The following VCPKMT variants were observed in gnomAD, a reference collection of about 807,000 sequenced individuals.
VCPKMT encodes the protein protein N-lysine methyltransferase METTL21D.
A neutral mutation model predicts 28.6 loss-of-function variants in VCPKMT; 32 were observed. The ratio of observed to expected loss-of-function variants is 1.12; its 90% CI spans 0.84 to 1.50. VCPKMT has a LOEUF of 1.50. VCPKMT is among the 40% of genes most tolerant of loss of function. The probability of loss-of-function intolerance (pLI) is 0.00; values close to 1 mark genes in which losing one functional copy is unlikely to be tolerated. For synonymous variants in VCPKMT, 138 were observed against 111.4 expected (o/e 1.24, Z -1.50); for missense variants, 366 against 285.0 (o/e 1.28, Z -2.05).
chr14:50,106,999 C>T (rs574956028), downstream of VCPKMT, among the ~76,000 whole-genome samples: 15 of 152,342 alleles, frequency 9.8e-5, no homozygotes, highest in South Asian at 6.2e-4. Context: ...GGATTACAGG[C>T]ATGAGCCACC....
chr14:50,111,492 T>G (rs1416746942), intron 5 of VCPKMT: 1 of 985,312 alleles, frequency 1.0e-6, no homozygotes, highest in African/African-American at 1.7e-5. Context: ...AGAAAAAGTG[T>G]GGGCTTATTG....
intron 5 of VCPKMT, 96 bp from the exon 6 acceptor site, chr14:50,109,809 T>C: frequency 7.1e-7 from 1 of 1,406,636 alleles, no homozygotes. Context: ...ATGCCTAGTA[T>C]GCCTAGTATA....
At chr14:50,107,506 G>T (rs1882370552), downstream of VCPKMT, among the ~76,000 whole-genome samples, 1 of 152,194 alleles carries the variant, frequency 6.6e-6, no homozygotes, top group Non-Finnish European at 1.5e-5. Context: ...TAGAGACAGG[G>T]TTTCACCATG....
chr14:50,112,142 A>G (rs545891228), intron 5 of VCPKMT: 1 of 852,746 alleles, frequency 1.2e-6, no homozygotes, highest in Admixed American at 6.2e-5. Flanking sequence ...GCATTTTAAA[A>G]TCTCACAGAG....
rs892798585 is a variant in VCPKMT at position 50,116,513 on chromosome 14, G to A, written c.40C>T (p.Arg14Trp). 2 of 1,613,398 alleles carry A rather than the reference G, an allele frequency of 1.2e-6. No individual in the cohort carries two copies. Among genetic ancestry groups the A allele is most frequent in the South Asian group, 1.1e-5 (1 of 91,044 alleles). The change falls in exon 1 of 6, where the codon CGG becomes TGG. Residue 14 changes from arginine (R) to tryptophan (W), a missense_variant. Physicochemically the swap from Arg to Trp is moderately radical, Grantham distance 101. Transcript: ENST00000395860. ...TTCTCCAAAACTCGCACAAAGCTCCGCAGTGGGTCCTCCAGCGAGGACTCC... is the reference window on the plus strand; with the variant it reads ...TTCTCCAAAACTCGCACAAAGCTCCACAGTGGGTCCTCCAGCGAGGACTCC... The part of the protein sequence containing the change: ...TLESSLEDPL[R>W]SFVRVLEKRD...
Position 50,108,848 on chromosome 14 carries a change from T to C in VCPKMT, c.*851A>G, listed in dbSNP as rs1191893564. 7 of 985,488 alleles carry C rather than the reference T, an allele frequency of 7.1e-6. No individual in the cohort carries two copies. Among genetic ancestry groups the C allele is most frequent in the Non-Finnish European group, 8.4e-6 (7 of 829,938 alleles). The allele number at this position is 985,488 out of a possible 1,614,324, so 61.0% of individuals were successfully genotyped here. ...GTATATACATATAGAACTACATTTG[T>C]AGTTATTCAAAAACCTTTCACTGCT... On this transcript the variant is annotated 3_prime_UTR_variant, in exon 6 of 6. Transcript: ENST00000395860.
downstream of VCPKMT, among the ~76,000 whole-genome samples, chr14:50,107,462 C>T (rs1273929671): frequency 3.9e-5 from 6 of 152,144 alleles, no homozygotes; most frequent in Non-Finnish European, 7.4e-5. Context: ...TTACAGTGCA[C>T]GCCACCATGC....
In VCPKMT at chr14:50,112,653, C is replaced by T. The variant is rs1160232643; in HGVS notation, c.637G>A (p.Glu213Lys). Residue 213 changes from glutamate (E) to lysine (K), a missense_variant, in exon 5 of 6, where the codon GAA becomes AAA. By Grantham distance (56) the Glu-to-Lys change is moderately conservative. Transcript: ENST00000395860. ...CTGATGTATATAATATGAATATCTTCACTTCGATACTCTTCATCATGTTTT... is the reference window on the plus strand; with the variant it reads ...CTGATGTATATAATATGAATATCTTTACTTCGATACTCTTCATCATGTTTT... ...LEKHDEEYRS[E>K]DIHIIYIRKK... 1.3e-5 allele frequency: 20 copies of T among 1,571,924 alleles called. No individual in the cohort carries two copies. The highest frequency in any genetic ancestry group is 1.7e-5 in the Non-Finnish European group (20 of 1,155,218).
At chr14:50,111,220 A>G in intron 5 of VCPKMT, 1 of 985,126 alleles carries the variant, frequency 1.0e-6, no homozygotes, top group East Asian at 1.1e-4. Flanking sequence ...AGGAAACACA[A>G]AATCTTTCTG....
intron 3 of VCPKMT, among the ~76,000 whole-genome samples, chr14:50,115,595 T>G (rs2139448066): frequency 6.6e-6 from 1 of 152,334 alleles, no homozygotes; most frequent in South Asian, 2.1e-4. Flanking sequence ...TCCTTTAAAA[T>G]TTTTACAGAA....
At chr14:50,115,639 A>G (rs1883097581) in intron 3 of VCPKMT, among the ~76,000 whole-genome samples, 200 bp downstream of exon 3, 1 of 152,244 alleles carries the variant, frequency 6.6e-6, no homozygotes. Context: ...ACTTTTCTCA[A>G]CATGCTTCAC....
In VCPKMT at chr14:50,112,222, C is replaced by T. The variant is rs142376775; in HGVS notation, c.675+393G>A. ...CCCAATTATAGAGCTATACAATTTACGCCTATGGAGAAGCTGGAAAAGGCC... is the reference window on the plus strand; with the variant it reads ...CCCAATTATAGAGCTATACAATTTATGCCTATGGAGAAGCTGGAAAAGGCC... On this transcript the variant is annotated intron_variant, in intron 5 of 5. Transcript: ENST00000395860. 19 of 294,772 alleles carry T rather than the reference C, an allele frequency of 6.4e-5. No individual in the cohort carries two copies. The East Asian group carries it at 1.6e-3, about 24-fold the overall frequency. The allele number at this position is 294,772 out of a possible 1,614,324, so 18.3% of individuals were successfully genotyped here.
intron 5 of VCPKMT, chr14:50,111,882 C>G (rs1882684368): frequency 2.0e-6 from 2 of 978,192 alleles, no homozygotes; most frequent in African/African-American, 1.8e-5. Flanking sequence ...GAGTGAGACC[C>G]TATTTCAAAA....
In VCPKMT at chr14:50,109,531, T is replaced by C; in HGVS notation, c.*168A>G. 1 of 1,315,974 alleles carries C rather than the reference T, an allele frequency of 7.6e-7. No homozygotes were observed. Among genetic ancestry groups the C allele is most frequent in the South Asian group, 2.3e-5 (1 of 43,896 alleles). 81.5% of individuals were successfully genotyped at this position (1,315,974 alleles called of 1,614,324 possible). On this transcript the variant is annotated 3_prime_UTR_variant, in exon 6 of 6. Coordinates refer to ENST00000395860, the MANE Select transcript of VCPKMT (RefSeq NM_024558.3). ...AGGCAGGCAGGCAAGCAGGAATTTT[T>C]CGTATTGCAGACAGCCCCTGGTGGT...
At position 50,109,460 on chromosome 14, in the gene VCPKMT, C is replaced by T. The variant is rs1436973985; in HGVS notation, c.*239G>A. ...ACTGATTCCCAACATTTAAGAAGAA[C>T]TTGATGCTGAACTAAGTAACCTAAG... On this transcript the variant is annotated 3_prime_UTR_variant, in exon 6 of 6. Coordinates refer to ENST00000395860, the MANE Select transcript of VCPKMT (RefSeq NM_024558.3). The T allele has an allele frequency of 1.7e-5, 21 of 1,224,512 alleles. No homozygotes were observed. Among genetic ancestry groups the T allele is most frequent in the Non-Finnish European group, 2.0e-5 (20 of 982,548 alleles). 75.9% of individuals were successfully genotyped at this position (1,224,512 alleles called of 1,614,324 possible). A position where few individuals can be genotyped will look rare whatever the true frequency, so the allele number is the denominator to read the frequency against.
At chr14:50,103,778 C>T (rs995097249), downstream of VCPKMT, among the ~76,000 whole-genome samples, 2 of 152,156 alleles carry the variant, frequency 1.3e-5, no homozygotes, top group African/African-American at 4.8e-5. Flanking sequence ...CTGCCATTCC[C>T]ACCGTGACTG....
At chr14:50,103,484 GTTTA>G in the VCPKMT span, among the ~76,000 whole-genome samples, 1 of 152,122 alleles carries the variant, frequency 6.6e-6, no homozygotes, top group Non-Finnish European at 1.5e-5. Context: ...CTGGTCTCAG[GTTTA>G]GCAAAGAACC....
At chr14:50,113,019 C>G (rs756142006) in intron 4 of VCPKMT, among the ~76,000 whole-genome samples, 6 of 152,162 alleles carry the variant, frequency 3.9e-5, no homozygotes, top group Non-Finnish European at 7.4e-5. Context: ...AACTCCTGAC[C>G]TCATGATCTG....
Position 50,108,807 on chromosome 14 carries a change from A to G in VCPKMT, c.*892T>C. 1.0e-6 allele frequency: 1 copy of G among 985,598 alleles called. No individual in the cohort carries two copies. The highest frequency in any genetic ancestry group is 1.7e-5 in the African/African-American group (1 of 57,382). The allele number at this position is 985,598 out of a possible 1,614,324, so 61.1% of individuals were successfully genotyped here. ...CATAACATAAAACAGAGAGACACAG[A>G]ACAGAAATTCATTTGGTATATACAT... On this transcript the variant is annotated 3_prime_UTR_variant, in exon 6 of 6. Coordinates refer to ENST00000395860, the MANE Select transcript of VCPKMT (RefSeq NM_024558.3).
Sources: gnomAD v4.1 joint callset for allele counts (sites outside exome capture counted in the v4.1 genomes callset) on GRCh38, gnomAD v4.1.1 for gene constraint, MANE v1.5 for transcripts, NCBI Gene and HGNC (gene_info 2026-07-23, HGNC 2026-07-21) for gene names.